Variants in HDGFL2 observed in about 807,000 individuals in gnomAD.
The protein encoded by HDGFL2 is HDGF like 2, also known as hepatoma-derived growth factor-related protein 2.
In HDGFL2, 36 loss-of-function variants were observed where a neutral mutation model predicts 77.1. The observed-to-expected ratio is 0.47, with a 90% confidence interval of 0.36 to 0.62. HDGFL2 has a LOEUF of 0.62. Among genes scored for constraint, HDGFL2 ranks in the 20% least tolerant of loss-of-function variants. The pLI is 0.00. For missense variants in HDGFL2, 976 were observed against 973.4 expected (o/e 1.00, Z -0.04); for synonymous variants, 463 against 413.1 (o/e 1.12, Z -1.46).
At chr19:4,472,450 TGGGGGGGG>T in intron 1 of HDGFL2, 28 bp downstream of exon 1, 1 of 280,524 alleles carries the variant, frequency 3.6e-6, no homozygotes, top group Non-Finnish European at 5.9e-6. Flanking sequence ...ATGGGGCCGG[TGGGGGGGG>T]GGGGGGGGGC....
At chr19:4,496,474 C>A in intron 10 of HDGFL2, 69 bp downstream of exon 10, 1 of 1,178,264 alleles carries the variant, frequency 8.5e-7, no homozygotes, top group Non-Finnish European at 1.2e-6. Flanking sequence ...ACCCTCACCC[C>A]TCACAGGGGC....
chr19:4,479,592 AAAG>A (rs1327937589), intron 3 of HDGFL2, among the ~76,000 whole-genome samples: 42 of 146,092 alleles, frequency 2.9e-4, no homozygotes, highest in Middle Eastern at 3.7e-3. Flanking sequence ...AAAAAAAAAA[AAAG>A]AAAGAAAGAA....
At chr19:4,499,435 G>T in intron 13 of HDGFL2, 56 bp from the exon 14 acceptor site, 1 of 1,544,508 alleles carries the variant, frequency 6.5e-7, no homozygotes, top group Non-Finnish European at 8.8e-7. Context: ...GGGGTTCAGA[G>T]CCGGGGCTAG....
At chr19:4,497,734 G>C (rs577351316) in intron 10 of HDGFL2, 1 of 554,832 alleles carries the variant, frequency 1.8e-6, no homozygotes, top group African/African-American at 1.9e-5. Context: ...ATGAGAACTC[G>C]GGAAAAGGCT....
intron 3 of HDGFL2, among the ~76,000 whole-genome samples, chr19:4,476,415 A>G (rs926825576): frequency 5.3e-5 from 8 of 150,196 alleles, no homozygotes; most frequent in South Asian, 4.2e-4. Flanking sequence ...CTGGTCTCGA[A>G]CTCCTGAACT....
intron 10 of HDGFL2, 104 bp from the exon 11 acceptor site, chr19:4,497,854 A>G (rs111398532): frequency 2.0e-4 from 205 of 1,037,888 alleles, no homozygotes; most frequent in African/African-American, 2.0e-3. Flanking sequence ...GGGCCTCCCA[A>G]AGGTTTCCTT....
At chr19:4,474,232 C>A (rs1344224719) in intron 1 of HDGFL2, among the ~76,000 whole-genome samples, 3 of 152,054 alleles carry the variant, frequency 2.0e-5, no homozygotes, top group African/African-American at 7.3e-5. Context: ...GAGGGGGACA[C>A]CAAACGGTGC....
In HDGFL2 at chr19:4,474,918, C is replaced by T. The variant is rs369427692; in HGVS notation, c.73-357C>T. 2.9e-5 allele frequency: 5 copies of T among 175,018 alleles called. No homozygotes were observed. The East Asian group carries it at 5.6e-4, about 20-fold the overall frequency. The allele number at this position is 175,018 out of a possible 1,614,324, so 10.8% of individuals were successfully genotyped here. A position where few individuals can be genotyped will look rare whatever the true frequency, so the allele number is the denominator to read the frequency against. On this transcript the variant is annotated intron_variant, in intron 1 of 15. Coordinates refer to ENST00000616600, the MANE Select transcript of HDGFL2 (RefSeq NM_001001520.3). ...CAGCTGCATCCTCTGGGGGACCGCCCGTGAGCCCCTCTTTGCGGGAGGGGT... is the reference window on the plus strand; with the variant it reads ...CAGCTGCATCCTCTGGGGGACCGCCTGTGAGCCCCTCTTTGCGGGAGGGGT...
At position 4,496,405 on chromosome 19, in the gene HDGFL2, A is replaced by C; in HGVS notation, c.1328A>C (p.Lys443Thr). ...RVRPEEKQQA[K>T]PVKVERTRKR... ...CGGCCCGAGGAGAAGCAACAAGCCA[A>C]GTGAGCCCTGCTCTGCCCCTCCACA... The change falls in exon 10 of 16, where the codon AAG becomes ACG. Residue 443 changes from lysine to threonine, a missense_variant and splice_region_variant. Around this residue, in one of 5 missense-constraint regions of HDGFL2, gnomAD observed 567 missense variants for 534.7 expected, o/e 1.06. Transcript: ENST00000616600. The C allele has an allele frequency of 6.2e-7, 1 of 1,612,866 alleles. No homozygotes were observed. The highest frequency in any genetic ancestry group is 8.5e-7 in the Non-Finnish European group (1 of 1,179,270).
intron 10 of HDGFL2, among the ~76,000 whole-genome samples, chr19:4,496,677 T>G (rs1194197348): frequency 1.3e-5 from 2 of 152,014 alleles, no homozygotes; most frequent in African/African-American, 4.8e-5. Context: ...GACTGGGGGG[T>G]GCTCCTGGCA....
intron 13 of HDGFL2, among the ~76,000 whole-genome samples, chr19:4,499,285 G>A (rs1365380948): frequency 5.9e-5 from 9 of 152,056 alleles, no homozygotes; most frequent in African/African-American, 1.9e-4. Context: ...GGCGGAGGTT[G>A]CAGTGAGCCG....
intron 1 of HDGFL2, among the ~76,000 whole-genome samples, chr19:4,473,761 G>T (rs1316223976): frequency 6.6e-6 from 1 of 151,942 alleles, no homozygotes; most frequent in African/African-American, 2.4e-5. Context: ...ACCTTAGAAT[G>T]AAGTTGGCAT....
chr19:4,489,768 C>T (rs1975460037), intron 4 of HDGFL2, among the ~76,000 whole-genome samples: 1 of 152,178 alleles, frequency 6.6e-6, no homozygotes, highest in South Asian at 2.1e-4. Flanking sequence ...ATAGTCCATA[C>T]ACCATGAGAT....
intron 4 of HDGFL2, among the ~76,000 whole-genome samples, chr19:4,489,241 C>T (rs181699029): frequency 2.5e-4 from 36 of 143,790 alleles, no homozygotes; most frequent in African/African-American, 8.9e-4. Context: ...TCTTGAGCCA[C>T]TGCGCCTGGC....
chr19:4,496,203 A>G, intron 9 of HDGFL2, 99 bp from the exon 10 acceptor site: 1 of 976,876 alleles, frequency 1.0e-6, no homozygotes, highest in Non-Finnish European at 1.6e-6. Flanking sequence ...GGAGGGCGAC[A>G]GAAAGGGTCG....
chr19:4,480,688 C>A (rs912463440), intron 3 of HDGFL2, among the ~76,000 whole-genome samples: 2 of 151,894 alleles, frequency 1.3e-5, no homozygotes, highest in Non-Finnish European at 2.9e-5. Context: ...CATTGTACTC[C>A]AGCCTGGGGG....
Position 4,498,193 on chromosome 19 carries a change from A to G in HDGFL2, c.1403-113A>G, listed in dbSNP as rs1002594091. 3 of 1,195,404 alleles carry G rather than the reference A, an allele frequency of 2.5e-6. No individual in the cohort carries two copies. In the African/African-American group the frequency reaches 4.5e-5, roughly 18 times the overall value. 74.0% of individuals were successfully genotyped at this position (1,195,404 alleles called of 1,614,324 possible). The stretch of plus-strand genomic sequence containing the variant: ...CTCCAGGGGTGGGGGCTGAGCCTGC[A>G]GACCTGGGGCCCCCATGACAAATCC... On this transcript the variant is annotated intron_variant, in intron 11 of 15. Coordinates refer to ENST00000616600, the MANE Select transcript of HDGFL2 (RefSeq NM_001001520.3).
At chr19:4,472,480 CG>C in intron 1 of HDGFL2, 58 bp downstream of exon 1, 1 of 1,007,748 alleles carries the variant, frequency 9.9e-7, no homozygotes. Flanking sequence ...GCGGGGGCCC[CG>C]GGCCGGAGGC....
intron 10 of HDGFL2, chr19:4,496,977 G>A (rs1264698997): frequency 1.6e-5 from 6 of 381,118 alleles, no homozygotes; most frequent in African/African-American, 4.3e-5. Flanking sequence ...GGGTTCAAGC[G>A]ATTCTCCTGC....
Sources: allele counts gnomAD v4.1 joint callset (sites outside exome capture counted in the v4.1 genomes callset), GRCh38; gene constraint gnomAD v4.1.1; regional missense constraint gnomAD v4.1.1; transcripts MANE v1.5; gene names NCBI Gene and HGNC (gene_info 2026-07-23, HGNC 2026-07-21).